HEATR5A: variants seen among roughly 807,000 people sequenced by gnomAD.
HEATR5A encodes HEAT repeat containing 5A, also known as HEAT repeat-containing protein 5A.
A neutral mutation model predicts 218.8 loss-of-function variants in HEATR5A; 178 were observed. The observed-to-expected ratio is 0.81, with a 90% CI of 0.72 to 0.92. The LOEUF (loss-of-function observed/expected upper bound fraction) is 0.92, where lower values mean the gene tolerates loss of function less well. HEATR5A is among the 40% of genes least tolerant of loss of function. The pLI is 0.00. For missense variants in HEATR5A, 2,420 were observed against 2,418.9 expected (o/e 1.00, Z -0.01); for synonymous variants, 864 against 871.6 (o/e 0.99, Z 0.15).
intron 22 of HEATR5A, chr14:31,334,430 C>T: frequency 2.2e-6 from 1 of 456,118 alleles, no homozygotes; most frequent in South Asian, 1.5e-5. Context: ...CAGATGGAAT[C>T]TACTCCTGGT....
Position 31,337,559 on chromosome 14 carries a change from C to T in HEATR5A, c.3284G>A (p.Arg1095His), listed in dbSNP as rs559636852. ...LLRRAVLACL[R>H]QLVQREAAEV... ...AGCTGCTTCTCTTTGTACAAGCTGA[C>T]GTAAGCAAGCCAGTACTGCTCTTCT... Residue 1095 changes from arginine (R) to histidine (H), a missense_variant, in exon 22 of 36, where the codon CGT becomes CAT. Physicochemically the swap from Arg to His is conservative, Grantham distance 29. Transcript: ENST00000543095. 2.8e-5 allele frequency: 45 copies of T among 1,589,508 alleles called. No individual in the cohort carries two copies. The highest frequency in any genetic ancestry group is 9.2e-5 in the South Asian group (8 of 87,084).
intron 26 of HEATR5A, among the ~76,000 whole-genome samples, chr14:31,317,724 T>C (rs1293188258): frequency 6.6e-6 from 1 of 152,232 alleles, no homozygotes; most frequent in East Asian, 1.9e-4. Flanking sequence ...TAAACTATCC[T>C]GAGACAGACT....
chr14:31,316,984 A>G (rs1454118957), intron 26 of HEATR5A, among the ~76,000 whole-genome samples: 1 of 152,116 alleles, frequency 6.6e-6, no homozygotes, highest in Non-Finnish European at 1.5e-5. Context: ...CACTGTGTCC[A>G]GCTGATATTT....
Position 31,359,627 on chromosome 14 carries a change from G to C in HEATR5A, c.2072-570C>G, listed in dbSNP as rs1901549776. Among the ~76,000 whole-genome samples the C allele has an allele frequency of 4.7e-5, 7 of 148,382 alleles. No individual in the cohort carries two copies. The Admixed American group carries it at 4.8e-4, about 10-fold the overall frequency. Reference sequence around the variant, plus strand: ...CTGTAACCCCAGCTACTCAGAGACTGAGGCAGGAAAATCGCTTGAATCTGG... The same window carrying C: ...CTGTAACCCCAGCTACTCAGAGACTCAGGCAGGAAAATCGCTTGAATCTGG... On this transcript the variant is annotated intron_variant, in intron 14 of 35. Transcript: ENST00000543095.
At position 31,323,945 on chromosome 14, in the gene HEATR5A, A is replaced by G; in HGVS notation, c.3548-141T>C. ...GCTACTGATCAATCATCTTTTTAAT[A>G]ACATCAAATAATTAGGTCTAATAAC... On this transcript the variant is annotated intron_variant, in intron 23 of 35. Coordinates refer to ENST00000543095, the MANE Select transcript of HEATR5A (RefSeq NM_015473.4). 6 of 589,458 alleles carry G rather than the reference A, an allele frequency of 1.0e-5. No homozygotes were observed. In the South Asian group the frequency reaches 1.5e-4, roughly 14 times the overall value. 36.5% of individuals were successfully genotyped at this position (589,458 alleles called of 1,614,324 possible). A position where few individuals can be genotyped will look rare whatever the true frequency, so the allele number is the denominator to read the frequency against.
intron 1 of HEATR5A, among the ~76,000 whole-genome samples, chr14:31,409,514 A>G (rs572833918): frequency 6.6e-6 from 1 of 152,240 alleles, no homozygotes; most frequent in Non-Finnish European, 1.5e-5. Context: ...AACCTGGGCA[A>G]CATGGCAAAA....
chr14:31,416,310 C>A (rs1490801677), intron 1 of HEATR5A, among the ~76,000 whole-genome samples: 5 of 151,806 alleles, frequency 3.3e-5, no homozygotes, highest in Admixed American at 3.3e-4. Flanking sequence ...TTAGTAGAGA[C>A]GGGGTTTCAC....
At position 31,319,343 on chromosome 14, in the gene HEATR5A, G is replaced by T. The variant is rs536200089; in HGVS notation, c.3970-1051C>A. Among the ~76,000 whole-genome samples the T allele has an allele frequency of 5.3e-5, 8 of 152,038 alleles. No individual in the cohort carries two copies. In the South Asian group the frequency reaches 1.7e-3, roughly 32 times the overall value. On this transcript the variant is annotated intron_variant, in intron 25 of 35. Coordinates refer to ENST00000543095, the MANE Select transcript of HEATR5A (RefSeq NM_015473.4). ...AATTTTTGTATTTTTAGTAGAGATG[G>T]GGTTTCACCATGTTGGCCAGGCTGG...
chr14:31,300,394 T>C (rs969060220), intron 33 of HEATR5A, among the ~76,000 whole-genome samples: 7 of 152,034 alleles, frequency 4.6e-5, no homozygotes, highest in Admixed American at 2.0e-4. Context: ...TTCAAGCGAT[T>C]CCTAGAATCC....
At chr14:31,400,871 G>A (rs1006422613) in intron 2 of HEATR5A, among the ~76,000 whole-genome samples, 2 of 148,594 alleles carry the variant, frequency 1.3e-5, no homozygotes, top group Non-Finnish European at 3.0e-5. Flanking sequence ...ATGGAGTCTC[G>A]CTCTGTCGCC....
rs201376027 is a variant in HEATR5A, at chr14:31,401,271, A to T, written c.127-759T>A. ...TAGATCAAGGGGGTGGATTTCACCC[A>T]TGCTGTTCTTGTGACAGTGAGTGAG... On this transcript the variant is annotated intron_variant, in intron 2 of 35. Transcript: ENST00000543095. Among the ~76,000 whole-genome samples, 21 of 152,230 alleles carry T rather than the reference A, an allele frequency of 1.4e-4. No individual in the cohort carries two copies. The East Asian group carries it at 2.1e-3, about 15-fold the overall frequency.
rs543960613 is a variant in HEATR5A, at chr14:31,321,527, T to G, written c.3941A>C (p.His1314Pro). The change falls in exon 25 of 36, where the codon CAT becomes CCT. Residue 1314 changes from histidine (H) to proline (P), a missense_variant. Coordinates refer to ENST00000543095, the MANE Select transcript of HEATR5A (RefSeq NM_015473.4). ...GGCTTGATACTGTTCCAGAATCACA[T>G]GACCTGGAAACTCTGGTTCTGGAAC... is the stretch of plus-strand genomic sequence containing the variant. ...ATVPEPEFPG[H>P]VILEQYQANV... 8 of 1,601,270 alleles carry G rather than the reference T, an allele frequency of 5.0e-6. No individual in the cohort carries two copies. Among genetic ancestry groups the G allele is most frequent in the Non-Finnish European group, 6.8e-6 (8 of 1,173,680 alleles).
chr14:31,311,557 G>A (rs1020197276), intron 28 of HEATR5A, among the ~76,000 whole-genome samples: 4 of 151,788 alleles, frequency 2.6e-5, no homozygotes, highest in East Asian at 3.9e-4. Context: ...GACTATAGGT[G>A]TACTACATCA....
At chr14:31,407,606 A>T (rs1337449729) in intron 1 of HEATR5A, among the ~76,000 whole-genome samples, 153 of 1,388 alleles carry the variant, frequency 0.11, 2 homozygotes, top group African/African-American at 0.17. Flanking sequence ...ATATATATAT[A>T]TATATATATA....
chr14:31,375,547 A>T (rs1431524849), intron 11 of HEATR5A, among the ~76,000 whole-genome samples: 1 of 152,072 alleles, frequency 6.6e-6, no homozygotes, highest in Non-Finnish European at 1.5e-5. Flanking sequence ...GATTACAGGT[A>T]CATGCCACCA....
chr14:31,364,346 A>T (rs1490968161), intron 13 of HEATR5A, 48 bp from the exon 14 acceptor site: 1 of 879,484 alleles, frequency 1.1e-6, no homozygotes, highest in East Asian at 2.7e-5. Flanking sequence ...GTTATATAAC[A>T]ATATACAAAA....
chr14:31,387,423 T>C, intron 7 of HEATR5A, 48 bp from the exon 8 acceptor site: 1 of 1,333,352 alleles, frequency 7.5e-7, no homozygotes, highest in South Asian at 1.3e-5. Context: ...GTTTCAATTC[T>C]GTATTCTCCC....
intron 24 of HEATR5A, 113 bp downstream of exon 24, chr14:31,323,452 G>A: frequency 1.3e-6 from 1 of 784,504 alleles, no homozygotes. Context: ...ATGAGCCACT[G>A]TGTCTGGCTA....
chr14:31,371,637 C>T (rs1902040850), intron 13 of HEATR5A, 173 bp downstream of exon 13: 2 of 410,404 alleles, frequency 4.9e-6, no homozygotes. Context: ...TTTTCCTTCC[C>T]TTTTAATATG....
Sources: allele counts gnomAD v4.1 joint callset (sites outside exome capture counted in the v4.1 genomes callset), GRCh38; gene constraint gnomAD v4.1.1; transcripts MANE v1.5; gene names NCBI Gene and HGNC (gene_info 2026-07-23, HGNC 2026-07-21).